The following MEIS2 variants were observed in gnomAD, a reference collection of about 807,000 sequenced individuals.
The protein encoded by MEIS2 is homeobox protein Meis2.
In MEIS2, 9 loss-of-function variants were observed where a neutral mutation model predicts 58.6. The observed-to-expected ratio is 0.15, with a 90% CI of 0.09 to 0.27. The LOEUF (loss-of-function observed/expected upper bound fraction) is 0.27, where lower values mean the gene tolerates loss of function less well. Ranked by LOEUF, MEIS2 falls within the 10% of genes least tolerant of loss-of-function variation. The pLI is 1.00. For missense variants in MEIS2, 427 were observed against 635.0 expected (o/e 0.67, Z 3.52); for synonymous variants, 221 against 228.4 (o/e 0.97, Z 0.29).
chr15:37,050,574 G>A (rs2062873732), intron 7 of MEIS2, among the ~76,000 whole-genome samples: 2 of 152,126 alleles, frequency 1.3e-5, no homozygotes, highest in Admixed American at 1.3e-4. Flanking sequence ...AAATTAGGAA[G>A]AGTATCCGAC....
In MEIS2 at chr15:36,902,792, G is replaced by T. The variant is rs558025192; in HGVS notation, c.978-6106C>A. 1.6e-4 allele frequency among the ~76,000 whole-genome samples: 25 copies of T among 152,182 alleles called. No individual in the cohort carries two copies. In the South Asian group the frequency reaches 5.0e-3, roughly 30 times the overall value. Reference sequence around the variant, plus strand: ...ACAGCCTTTTACTCACTTGCCTTGGGCAATAAACACTTTATAATAATTTAA... The same window carrying T: ...ACAGCCTTTTACTCACTTGCCTTGGTCAATAAACACTTTATAATAATTTAA... On this transcript the variant is annotated intron_variant, in intron 9 of 11. Transcript: ENST00000561208.
intron 8 of MEIS2, among the ~76,000 whole-genome samples, chr15:36,962,470 T>G (rs1054825197): frequency 1.3e-5 from 2 of 152,204 alleles, no homozygotes; most frequent in African/African-American, 2.4e-5. Flanking sequence ...GATCTCTAGA[T>G]TACTTATAAT....
intron 8 of MEIS2, among the ~76,000 whole-genome samples, chr15:36,982,463 T>C (rs985140814): frequency 4.6e-5 from 7 of 152,214 alleles, no homozygotes; most frequent in Admixed American, 3.9e-4. Context: ...ATCCATGTTG[T>C]CACAAATGAC....
chr15:37,084,952 C>T (rs1211665717), intron 6 of MEIS2, among the ~76,000 whole-genome samples: 3 of 152,138 alleles, frequency 2.0e-5, no homozygotes, highest in Non-Finnish European at 4.4e-5. Flanking sequence ...AGCCCACAGA[C>T]CTACTGGCAA....
chr15:36,958,982 T>C (rs894739174), intron 8 of MEIS2, among the ~76,000 whole-genome samples: 1 of 152,178 alleles, frequency 6.6e-6, no homozygotes, highest in Non-Finnish European at 1.5e-5. Flanking sequence ...TCAAAACAGG[T>C]TTAGGCTATT....
chr15:37,095,873 C>T, intron 3 of MEIS2: 1 of 543,850 alleles, frequency 1.8e-6, no homozygotes, highest in South Asian at 2.1e-5. Context: ...GCCTCGAGTT[C>T]CATATCCAGC....
intron 7 of MEIS2, among the ~76,000 whole-genome samples, chr15:37,081,462 A>C (rs887782791): frequency 6.6e-6 from 1 of 152,172 alleles, no homozygotes; most frequent in African/African-American, 2.4e-5. Context: ...ACTACTCTGG[A>C]CAATTCGGTG....
intron 6 of MEIS2, among the ~76,000 whole-genome samples, chr15:37,084,662 G>A (rs545514958): frequency 2.6e-5 from 4 of 152,106 alleles, no homozygotes; most frequent in Non-Finnish European, 4.4e-5. Context: ...TGTTTCAAAG[G>A]ACATGCAAGG....
intron 6 of MEIS2, among the ~76,000 whole-genome samples, chr15:37,090,532 A>G (rs1201124396): frequency 2.0e-5 from 3 of 152,116 alleles, no homozygotes; most frequent in African/African-American, 7.2e-5. Context: ...ATTTATATTT[A>G]TTACTTTTAT....
chr15:36,903,744 T>C (rs2056591770), intron 9 of MEIS2, among the ~76,000 whole-genome samples: 1 of 152,230 alleles, frequency 6.6e-6, no homozygotes, highest in Non-Finnish European at 1.5e-5. Flanking sequence ...ATTATGTTCC[T>C]AGCCATTTTA....
intron 8 of MEIS2, among the ~76,000 whole-genome samples, chr15:36,996,653 C>T (rs75953338): frequency 0.018 from 2,795 of 152,212 alleles, 102 homozygotes; most frequent in African/African-American, 0.063. Flanking sequence ...AATATCATGG[C>T]CCAAAATGGA....
chr15:36,989,910 T>A (rs150852976), intron 8 of MEIS2, among the ~76,000 whole-genome samples: 2 of 152,110 alleles, frequency 1.3e-5, no homozygotes, highest in Non-Finnish European at 2.9e-5. Context: ...AGTGGGGGCA[T>A]TGTATCTTCA....
chr15:37,094,027 A>T (rs1326546708), intron 5 of MEIS2: 2 of 370,718 alleles, frequency 5.4e-6, no homozygotes, highest in Non-Finnish European at 9.8e-6. Context: ...CAGGGAATTA[A>T]ATCTGATTTG....
intron 7 of MEIS2, among the ~76,000 whole-genome samples, chr15:37,079,861 T>C (rs937490615): frequency 1.3e-5 from 2 of 152,040 alleles, no homozygotes; most frequent in African/African-American, 4.8e-5. Flanking sequence ...AGAATGCTAA[T>C]GTATTTAGGT....
chr15:37,005,822 G>A (rs1216899796), intron 8 of MEIS2, among the ~76,000 whole-genome samples: 1 of 152,196 alleles, frequency 6.6e-6, no homozygotes, highest in Non-Finnish European at 1.5e-5. Flanking sequence ...GCTTCCCAAA[G>A]TCCTGGGATT....
rs370695754 is a variant in MEIS2 at position 36,930,202 on chromosome 15, TAAAAAAAAA to T, written c.977+20113_977+20121del. 3.6e-4 allele frequency among the ~76,000 whole-genome samples: 34 copies of T among 94,306 alleles called. 1 individual carries two copies. The highest frequency in any genetic ancestry group is 4.2e-5 in the Non-Finnish European group (2 of 47,866). The allele number at this position is 94,306 out of a possible 152,430, so 61.9% of individuals were successfully genotyped here. Reference sequence around the variant, plus strand: ...TGGGTGACAGAGTGAGACTCAGTCTTAAAAAAAAAAAAAAAAAAGAGAGAGAGAGAGAAA... The same window carrying T: ...TGGGTGACAGAGTGAGACTCAGTCTTAAAAAAAAAGAGAGAGAGAGAGAAA... On this transcript the variant is annotated intron_variant, in intron 9 of 11. Coordinates refer to ENST00000561208, the MANE Select transcript of MEIS2 (RefSeq NM_170675.5).
intron 8 of MEIS2, among the ~76,000 whole-genome samples, chr15:36,952,015 T>C (rs837128): frequency 0.84 from 128,092 of 152,192 alleles, 54,309 homozygotes; most frequent in East Asian, 0.94. Context: ...TCATTCCTGG[T>C]CATCAATCGT....
chr15:37,058,388 G>A (rs915632664), intron 7 of MEIS2, among the ~76,000 whole-genome samples: 1 of 152,224 alleles, frequency 6.6e-6, no homozygotes, highest in African/African-American at 2.4e-5. Context: ...TTTATCGTCT[G>A]ATACTACAGT....
intron 7 of MEIS2, among the ~76,000 whole-genome samples, chr15:37,069,529 T>G (rs2141868035): frequency 6.6e-6 from 1 of 152,294 alleles, no homozygotes; most frequent in East Asian, 1.9e-4. Flanking sequence ...ATACCCAGCC[T>G]AATTCTCCTT....
Sources: allele counts gnomAD v4.1 joint callset (sites outside exome capture counted in the v4.1 genomes callset), GRCh38; gene constraint gnomAD v4.1.1; transcripts MANE v1.5; gene names NCBI Gene and HGNC (gene_info 2026-07-23, HGNC 2026-07-21).